The following ADAMTS19 variants were observed in gnomAD, a reference collection of about 807,000 sequenced individuals.
ADAMTS19 encodes the protein A disintegrin and metalloproteinase with thrombospondin motifs 19.
A neutral mutation model predicts 153.3 loss-of-function variants in ADAMTS19; 93 were observed. The ratio of observed to expected loss-of-function variants is 0.61; its 90% CI spans 0.51 to 0.72. The LOEUF (loss-of-function observed/expected upper bound fraction) is 0.72. Among genes scored for constraint, ADAMTS19 ranks in the 30% least tolerant of loss-of-function variants. The probability of loss-of-function intolerance (pLI) is 0.00; values close to 1 mark genes in which losing one functional copy is unlikely to be tolerated. For synonymous variants in ADAMTS19, 600 were observed against 556.6 expected (o/e 1.08, Z -1.10); for missense variants, 1,482 against 1,552.1 (o/e 0.95, Z 0.76).
chr5:129,659,221 C>T (rs574451001), intron 15 of ADAMTS19, among the ~76,000 whole-genome samples: 6 of 147,874 alleles, frequency 4.1e-5, no homozygotes, highest in South Asian at 2.2e-4. Flanking sequence ...AACCAAGAGG[C>T]GTCAGAAGAT....
intron 3 of ADAMTS19, among the ~76,000 whole-genome samples, chr5:129,515,302 G>T (rs953394050): frequency 4.0e-5 from 6 of 151,440 alleles, no homozygotes; most frequent in Non-Finnish European, 8.9e-5. Context: ...TAAGTTTTAG[G>T]ACTGTTTTTT....
chr5:129,505,186 C>G (rs958944667), intron 2 of ADAMTS19, among the ~76,000 whole-genome samples: 2 of 152,050 alleles, frequency 1.3e-5, no homozygotes, highest in Non-Finnish European at 2.9e-5. Context: ...GAAACTTTAT[C>G]TAAAAATCTG....
At chr5:129,658,351 A>AAGAGAGAGAGAGAGAGAGAGAGAG (rs1212857566) in intron 14 of ADAMTS19, among the ~76,000 whole-genome samples, 83 of 133,208 alleles carry the variant, frequency 6.2e-4, no homozygotes, top group Middle Eastern at 3.8e-3. Context: ...GAAAGAAAGA[A>AAGAGAGAGAGAGAGAGAGAGAGAG]AGAAAGAAAG....
chr5:129,726,919 TC>T (rs1301171678), intron 21 of ADAMTS19, among the ~76,000 whole-genome samples: 3 of 152,066 alleles, frequency 2.0e-5, no homozygotes, highest in Non-Finnish European at 4.4e-5. Flanking sequence ...TCTTACCCTC[TC>T]CCCCATTAAG....
intron 8 of ADAMTS19, among the ~76,000 whole-genome samples, chr5:129,608,846 C>CA (rs3979147): frequency 0.034 from 4,496 of 130,644 alleles, 235 homozygotes; most frequent in African/African-American, 0.12. Context: ...GACTCTGTCT[C>CA]AAAAAAAAAA....
At chr5:129,658,309 A>AAGAAAGAAAG (rs1454863600) in intron 14 of ADAMTS19, among the ~76,000 whole-genome samples, 1 of 113,624 alleles carries the variant, frequency 8.8e-6, no homozygotes, top group African/African-American at 4.0e-5. Context: ...GAAAGAAAGA[A>AAGAAAGAAAG]AAAGAAAGAA....
chr5:129,679,498 T>C (rs1264628282), intron 16 of ADAMTS19, among the ~76,000 whole-genome samples: 1 of 152,182 alleles, frequency 6.6e-6, no homozygotes, highest in East Asian at 1.9e-4. Flanking sequence ...AAATAAGGAA[T>C]ATATACATCA....
chr5:129,561,058 G>T (rs1232071771), intron 7 of ADAMTS19, among the ~76,000 whole-genome samples: 1 of 152,046 alleles, frequency 6.6e-6, no homozygotes, highest in Non-Finnish European at 1.5e-5. Flanking sequence ...AAAACATTTT[G>T]ATTTATTTAA....
intron 10 of ADAMTS19, among the ~76,000 whole-genome samples, chr5:129,624,161 C>T (rs1751918090): frequency 1.4e-5 from 2 of 139,848 alleles, no homozygotes; most frequent in Non-Finnish European, 3.0e-5. Flanking sequence ...AAAGGCTGTA[C>T]GGACTATGGA....
At chr5:129,611,405 G>A (rs1352460711) in intron 8 of ADAMTS19, among the ~76,000 whole-genome samples, 1 of 152,016 alleles carries the variant, frequency 6.6e-6, no homozygotes, top group Admixed American at 6.6e-5. Flanking sequence ...TTTCTTTTCG[G>A]GTTTTTATGG....
intron 21 of ADAMTS19, among the ~76,000 whole-genome samples, chr5:129,727,334 A>G (rs1264982517): frequency 1.3e-5 from 2 of 152,194 alleles, no homozygotes; most frequent in Non-Finnish European, 2.9e-5. Context: ...TGATCACCCT[A>G]TCTAAAGATG....
At position 129,704,320 on chromosome 5, in the gene ADAMTS19, A is replaced by C. The variant is rs758778521; in HGVS notation, c.3241A>C (p.Arg1081=). ...NPRKKCVLST[R]PREAEDCEDY... is the part of the protein sequence containing the mutation. Reference sequence around the variant, plus strand: ...AAGAAAGAAGTGTGTCCTCTCTACCAGACCCAGGGAGGCTGAAGACTGTGA... The same window carrying C: ...AAGAAAGAAGTGTGTCCTCTCTACCCGACCCAGGGAGGCTGAAGACTGTGA... The change falls in exon 21 of 23, where the codon AGA becomes CGA. Residue 1081 remains arginine, a synonymous_variant. Transcript: ENST00000274487. 1 of 1,614,138 alleles carries C rather than the reference A, an allele frequency of 6.2e-7. No homozygotes were observed.
chr5:129,479,838 C>T (rs1269457261), intron 2 of ADAMTS19, among the ~76,000 whole-genome samples: 1 of 151,966 alleles, frequency 6.6e-6, no homozygotes, highest in African/African-American at 2.4e-5. Context: ...AATGGAGATA[C>T]ATACAAAGCT....
intron 3 of ADAMTS19, among the ~76,000 whole-genome samples, chr5:129,520,078 C>T (rs1309064376): frequency 6.6e-6 from 1 of 151,996 alleles, no homozygotes; most frequent in East Asian, 1.9e-4. Context: ...ACATGGACCC[C>T]GAAATGTGAT....
At chr5:129,612,954 TG>T (rs1450357842) in intron 8 of ADAMTS19, among the ~76,000 whole-genome samples, 2 of 152,124 alleles carry the variant, frequency 1.3e-5, no homozygotes, top group Non-Finnish European at 2.9e-5. Flanking sequence ...CATTACATAA[TG>T]GTAAAGGGAT....
chr5:129,579,481 G>A (rs2126882209), intron 7 of ADAMTS19, among the ~76,000 whole-genome samples: 1 of 152,214 alleles, frequency 6.6e-6, no homozygotes, highest in Non-Finnish European at 1.5e-5. Context: ...TGTTGCTATT[G>A]CTTTTGGTAT....
chr5:129,636,043 C>G (rs115667684), intron 10 of ADAMTS19, among the ~76,000 whole-genome samples: 1 of 152,026 alleles, frequency 6.6e-6, no homozygotes, highest in Non-Finnish European at 1.5e-5. Context: ...ATTATAGGTG[C>G]CTGCCACCAC....
intron 21 of ADAMTS19, among the ~76,000 whole-genome samples, chr5:129,706,031 T>C (rs1194905154): frequency 6.6e-6 from 1 of 152,172 alleles, no homozygotes; most frequent in Non-Finnish European, 1.5e-5. Context: ...TTAGTGTATA[T>C]GTATAGCAAC....
At chr5:129,623,244 G>A (rs914315640) in intron 10 of ADAMTS19, among the ~76,000 whole-genome samples, 1 of 152,092 alleles carries the variant, frequency 6.6e-6, no homozygotes, top group African/African-American at 2.4e-5. Flanking sequence ...AGTAGTGTTA[G>A]GTCCTTAAAA....
Sources: allele counts gnomAD v4.1 joint callset (sites outside exome capture counted in the v4.1 genomes callset), GRCh38; gene constraint gnomAD v4.1.1; transcripts MANE v1.5; gene names NCBI Gene and HGNC (gene_info 2026-07-23, HGNC 2026-07-21).